CHD9: variants seen among roughly 807,000 people sequenced by gnomAD.
The protein encoded by CHD9 is chromodomain helicase DNA binding protein 9.
Under a neutral mutation model 316.1 loss-of-function variants are expected in CHD9, and 77 were observed. That is an observed-to-expected ratio of 0.24 (90% CI 0.20 to 0.29). CHD9 has a LOEUF of 0.29. CHD9 is among the 10% of genes least tolerant of loss of function. The pLI is 1.00. For missense variants in CHD9, 2,763 were observed against 3,438.1 expected (o/e 0.80, Z 4.91); for synonymous variants, 1,129 against 1,158.3 (o/e 0.97, Z 0.51).
intron 2 of CHD9, among the ~76,000 whole-genome samples, chr16:53,167,350 A>G (rs985208465): frequency 2.0e-5 from 3 of 152,132 alleles, no homozygotes; most frequent in Non-Finnish European, 4.4e-5. Context: ...TTTGTTCAGT[A>G]TTTATTAGAT....
chr16:53,256,930 C>T (rs778911101), intron 19 of CHD9, among the ~76,000 whole-genome samples: 5 of 152,082 alleles, frequency 3.3e-5, no homozygotes, highest in Non-Finnish European at 5.9e-5. Context: ...TAGAAACTCA[C>T]TTGCATTCAT....
At chr16:53,207,297 T>G (rs183529000) in intron 2 of CHD9, among the ~76,000 whole-genome samples, 1 of 152,344 alleles carries the variant, frequency 6.6e-6, no homozygotes, top group Admixed American at 6.5e-5. Context: ...CAAGTTGACT[T>G]GCTATGGAAC....
chr16:53,130,288 G>C (rs1306123011), intron 1 of CHD9, among the ~76,000 whole-genome samples: 1 of 152,138 alleles, frequency 6.6e-6, no homozygotes, highest in Non-Finnish European at 1.5e-5. Context: ...CCGGGTCTCC[G>C]CGCGAAAGGA....
At chr16:53,260,444 A>T (rs2050982955) in intron 19 of CHD9, among the ~76,000 whole-genome samples, 1 of 152,112 alleles carries the variant, frequency 6.6e-6, no homozygotes, top group Non-Finnish European at 1.5e-5. Flanking sequence ...ATACAGCTGT[A>T]CTCCAGTCTG....
intron 1 of CHD9, among the ~76,000 whole-genome samples, chr16:53,107,660 C>T (rs555380938): frequency 6.6e-5 from 10 of 151,300 alleles, no homozygotes; most frequent in East Asian, 5.8e-4. Context: ...GCAGCCTGGA[C>T]GACACAGCGA....
chr16:53,308,448 G>T (rs1270696484), intron 33 of CHD9, among the ~76,000 whole-genome samples: 2 of 151,966 alleles, frequency 1.3e-5, no homozygotes, highest in Non-Finnish European at 2.9e-5. Flanking sequence ...ATCTTGTTTT[G>T]GTCAGAAAAG....
At chr16:53,239,271 T>C (rs1432990198) in intron 12 of CHD9, among the ~76,000 whole-genome samples, 1 of 151,988 alleles carries the variant, frequency 6.6e-6, no homozygotes, top group East Asian at 1.9e-4. Flanking sequence ...CCTTAAGAAT[T>C]TTCTAGCAGA....
chr16:53,262,353 A>G (rs911609418), intron 19 of CHD9, among the ~76,000 whole-genome samples: 3 of 152,168 alleles, frequency 2.0e-5, no homozygotes, highest in Admixed American at 1.3e-4. Context: ...AAAAGATTTT[A>G]TAATTTCCAC....
chr16:53,194,445 AG>A (rs2044727562), intron 2 of CHD9, among the ~76,000 whole-genome samples: 1 of 152,018 alleles, frequency 6.6e-6, no homozygotes, highest in African/African-American at 2.4e-5. Context: ...ATAGTGACGC[AG>A]GCCTGTAGTC....
rs142348373 is a variant in CHD9, at chr16:53,297,184, G to A, written c.5713+26G>A. The A allele has an allele frequency of 5.1e-6, 8 of 1,572,420 alleles. No homozygotes were observed. The African/African-American group carries it at 8.2e-5, about 16-fold the overall frequency. On this transcript the variant is annotated intron_variant, in intron 30 of 38. Coordinates refer to ENST00000447540, the MANE Select transcript of CHD9 (RefSeq NM_001308319.2). ...GTATGTATAAAATTTCTTTTTCCTG[G>A]TTTCGGTCAAAGAAGCAAAAATCAC...
intron 27 of CHD9, among the ~76,000 whole-genome samples, chr16:53,290,714 G>C (rs2054261393): frequency 6.6e-6 from 1 of 152,120 alleles, no homozygotes; most frequent in Non-Finnish European, 1.5e-5. Flanking sequence ...AAAGGTTGAG[G>C]CTGCAGTGAG....
chr16:53,283,259 A>G (rs960194162), intron 24 of CHD9, among the ~76,000 whole-genome samples: 6 of 152,174 alleles, frequency 3.9e-5, no homozygotes, highest in African/African-American at 1.4e-4. Flanking sequence ...GTGCATGACT[A>G]TCTTAATTTA....
At chr16:53,105,203 G>A (rs1052165012) in intron 1 of CHD9, among the ~76,000 whole-genome samples, 3 of 152,080 alleles carry the variant, frequency 2.0e-5, no homozygotes, top group African/African-American at 7.2e-5. Flanking sequence ...TTCAAAATTC[G>A]AAAGGATATA....
chr16:53,130,019 CG>C (rs1415567626), intron 1 of CHD9, among the ~76,000 whole-genome samples: 1 of 152,198 alleles, frequency 6.6e-6, no homozygotes, highest in East Asian at 1.9e-4. Flanking sequence ...CCCTCCCCCA[CG>C]GCTGTCTCTC....
intron 1 of CHD9, among the ~76,000 whole-genome samples, chr16:53,061,360 TC>T (rs1218973387): frequency 1.3e-5 from 2 of 152,176 alleles, no homozygotes; most frequent in Non-Finnish European, 2.9e-5. Flanking sequence ...ATTTCTTGAG[TC>T]CTCAGTAAGA....
intron 1 of CHD9, among the ~76,000 whole-genome samples, chr16:53,074,496 A>G (rs1367292978): frequency 6.6e-6 from 1 of 152,230 alleles, no homozygotes; most frequent in Non-Finnish European, 1.5e-5. Context: ...AGCCTCTCCC[A>G]TCACAGGCCC....
chr16:53,069,813 A>G (rs2033849733), intron 1 of CHD9, among the ~76,000 whole-genome samples: 1 of 152,188 alleles, frequency 6.6e-6, no homozygotes, highest in South Asian at 2.1e-4. Context: ...GAATCATCAT[A>G]TCATTTTCAA....
intron 34 of CHD9, chr16:53,311,168 C>T (rs2056445984): frequency 1.4e-5 from 2 of 146,496 alleles, no homozygotes; most frequent in Admixed American, 1.4e-4. Flanking sequence ...AGAGCAAGAC[C>T]TGTCTCAAAA....
At chr16:53,316,410 C>A (rs1343355874) in intron 36 of CHD9, among the ~76,000 whole-genome samples, 2 of 152,160 alleles carry the variant, frequency 1.3e-5, no homozygotes, top group Non-Finnish European at 2.9e-5. Context: ...ACTCTAGACT[C>A]TGAAGAATTC....
Sources: allele counts gnomAD v4.1 joint callset (sites outside exome capture counted in the v4.1 genomes callset), GRCh38; gene constraint gnomAD v4.1.1; transcripts MANE v1.5; gene names NCBI Gene and HGNC (gene_info 2026-07-23, HGNC 2026-07-21).